Variants in SUMF1 observed in about 807,000 individuals in gnomAD.
SUMF1 encodes formylglycine-generating enzyme.
Under a neutral mutation model 47.6 loss-of-function variants are expected in SUMF1, and 48 were observed. That is an observed-to-expected ratio of 1.01 (90% CI 0.80 to 1.28). SUMF1 has a LOEUF of 1.28. Among genes scored for constraint, SUMF1 ranks in the 50% most tolerant of loss-of-function variants. The pLI, the probability that SUMF1 is intolerant of heterozygous loss-of-function variation, is 0.00. For missense variants in SUMF1, 571 were observed against 485.4 expected (o/e 1.18, Z -1.66); for synonymous variants, 230 against 192.1 (o/e 1.20, Z -1.63).
intron 8 of SUMF1, among the ~76,000 whole-genome samples, chr3:4,105,225 G>T (rs942842636): frequency 1.3e-5 from 2 of 152,076 alleles, no homozygotes; most frequent in African/African-American, 4.8e-5. Context: ...TCCAGGGTCT[G>T]GGAGGGTAGA....
chr3:4,266,357 C>A (rs961715404), intron 8 of SUMF1, among the ~76,000 whole-genome samples: 21 of 152,232 alleles, frequency 1.4e-4, no homozygotes, highest in African/African-American at 4.8e-4. Context: ...TCTTCCTACC[C>A]ATGAGCATGG....
intron 8 of SUMF1, among the ~76,000 whole-genome samples, chr3:4,082,983 G>T (rs944529919): frequency 2.0e-5 from 3 of 152,106 alleles, no homozygotes; most frequent in African/African-American, 7.2e-5. Flanking sequence ...ATATTTAAAA[G>T]TTCCTCCTCC....
At chr3:4,101,048 G>A (rs79502113) in intron 8 of SUMF1, among the ~76,000 whole-genome samples, 13 of 152,022 alleles carry the variant, frequency 8.6e-5, no homozygotes, top group African/African-American at 1.2e-4. Flanking sequence ...TTTATACACC[G>A]TCGGTGATAT....
At chr3:4,102,283 G>C (rs949956481) in intron 8 of SUMF1, among the ~76,000 whole-genome samples, 1 of 152,110 alleles carries the variant, frequency 6.6e-6, no homozygotes, top group African/African-American at 2.4e-5. Context: ...ATAAGCATTT[G>C]TACAAAAAGT....
At chr3:4,234,926 T>C (rs949799202) in intron 8 of SUMF1, among the ~76,000 whole-genome samples, 2 of 152,190 alleles carry the variant, frequency 1.3e-5, no homozygotes, top group Non-Finnish European at 2.9e-5. Flanking sequence ...TGTAGATGTG[T>C]GTGTGTATCC....
chr3:4,316,163 TATGTTTTTTTGCTAATGAC>T (rs1225835317), intron 8 of SUMF1: 2 of 633,476 alleles, frequency 3.2e-6, no homozygotes, highest in Admixed American at 2.3e-5. Context: ...AGCATTTCTT[TATGTTTTTTTGCTAATGAC>T]ATCTTACTTG....
intron 8 of SUMF1, among the ~76,000 whole-genome samples, chr3:4,262,689 A>G (rs981387266): frequency 2.0e-5 from 3 of 152,164 alleles, no homozygotes; most frequent in Admixed American, 1.3e-4. Flanking sequence ...AGTTCCAACA[A>G]AAGTCACAGA....
At chr3:4,159,031 A>C (rs1319350773) in intron 8 of SUMF1, among the ~76,000 whole-genome samples, 1 of 151,372 alleles carries the variant, frequency 6.6e-6, no homozygotes, top group Non-Finnish European at 1.5e-5. Flanking sequence ...AAGTTGTTGC[A>C]GTTTTTTTAT....
chr3:4,167,626 A>C (rs1378324051), intron 8 of SUMF1, among the ~76,000 whole-genome samples: 1 of 152,132 alleles, frequency 6.6e-6, no homozygotes, highest in African/African-American at 2.4e-5. Flanking sequence ...TCCCCTTGTA[A>C]GACAGAAAAG....
chr3:4,107,863 A>G (rs1693193904), intron 8 of SUMF1, among the ~76,000 whole-genome samples: 2 of 152,130 alleles, frequency 1.3e-5, no homozygotes, highest in South Asian at 4.2e-4. Flanking sequence ...TGACCTAGTA[A>G]TTCCATTCTT....
chr3:4,271,755 G>A (rs923184109), intron 8 of SUMF1, among the ~76,000 whole-genome samples: 3 of 152,048 alleles, frequency 2.0e-5, no homozygotes, highest in Admixed American at 1.3e-4. Context: ...TCCTACCTTG[G>A]TCTCCCAAAG....
rs948679739 is a variant in SUMF1 at position 4,290,326 on chromosome 3, A to G, written c.1014+86004T>C. Reference sequence around the variant, plus strand: ...CACAGCAAAGGAAAACGTTTATCTGAATTTTCTCATCACAATTTGCTACAA... The same window carrying G: ...CACAGCAAAGGAAAACGTTTATCTGGATTTTCTCATCACAATTTGCTACAA... On this transcript the variant is annotated intron_variant and NMD_transcript_variant, in intron 8 of 12. Coordinates refer to the SUMF1 transcript ENST00000448413. 9.9e-5 allele frequency among the ~76,000 whole-genome samples: 15 copies of G among 152,198 alleles called. 2 individuals carry two copies. Among genetic ancestry groups the G allele is most frequent in the Admixed American group, 9.2e-4 (14 of 15,272 alleles).
intron 8 of SUMF1, among the ~76,000 whole-genome samples, chr3:4,245,561 A>G (rs2125002296): frequency 6.6e-6 from 1 of 152,236 alleles, no homozygotes; most frequent in South Asian, 2.1e-4. Flanking sequence ...GACTATCACC[A>G]GCAGAGGCTG....
chr3:4,036,369 C>A (rs903902427), intron 9 of SUMF1, among the ~76,000 whole-genome samples: 3 of 152,068 alleles, frequency 2.0e-5, no homozygotes, highest in African/African-American at 7.3e-5. Flanking sequence ...GAACTCTGCC[C>A]TTCCAGATGT....
At chr3:4,083,530 T>C (rs182359072) in intron 8 of SUMF1, among the ~76,000 whole-genome samples, 1 of 152,260 alleles carries the variant, frequency 6.6e-6, no homozygotes, top group East Asian at 1.9e-4. Context: ...AGTCTATGTG[T>C]CTTGTTACTT....
chr3:4,043,399 G>A (rs1256949544), intron 9 of SUMF1, among the ~76,000 whole-genome samples: 2 of 152,056 alleles, frequency 1.3e-5, no homozygotes, highest in Non-Finnish European at 2.9e-5. Flanking sequence ...TATTTCTGCT[G>A]AGAAAACTAA....
At position 4,221,721 on chromosome 3, in the gene SUMF1, T is replaced by G. The variant is rs1696068084; in HGVS notation, c.1015-152976A>C. 2.0e-5 allele frequency among the ~76,000 whole-genome samples: 3 copies of G among 152,120 alleles called. No homozygotes were observed. In the South Asian group the frequency reaches 6.2e-4, roughly 32 times the overall value. ...AATGGGACAGACACAGTCTCTGCCC[T>G]CATGATGTGTAAAAATCTGTGAGAG... On this transcript the variant is annotated intron_variant and NMD_transcript_variant, in intron 8 of 12. Coordinates refer to the SUMF1 transcript ENST00000448413.
chr3:4,317,340 A>G (rs1698707087), intron 8 of SUMF1: 1 of 817,364 alleles, frequency 1.2e-6, no homozygotes, highest in Non-Finnish European at 1.9e-6. Context: ...ATAGATTGAA[A>G]TATAAATTAA....
chr3:4,376,083 A>G (rs1165987908), intron 8 of SUMF1, among the ~76,000 whole-genome samples: 1 of 152,224 alleles, frequency 6.6e-6, no homozygotes, highest in Non-Finnish European at 1.5e-5. Context: ...AAGGTCTCTC[A>G]AAGGGGCAAG....
Sources: gnomAD v4.1 joint callset for allele counts (sites outside exome capture counted in the v4.1 genomes callset) on GRCh38, gnomAD v4.1.1 for gene constraint, MANE v1.5 for transcripts, NCBI Gene and HGNC (gene_info 2026-07-23, HGNC 2026-07-21) for gene names.